The following CCDC91 variants were observed in gnomAD, a reference collection of about 807,000 sequenced individuals.
The protein encoded by CCDC91 is coiled-coil domain containing 91.
A neutral mutation model predicts 63.2 loss-of-function variants in CCDC91; 48 were observed. That is an observed-to-expected ratio of 0.76 (90% CI 0.60 to 0.97). The LOEUF (loss-of-function observed/expected upper bound fraction) is 0.97. Ranked by LOEUF, CCDC91 falls within the 50% of genes least tolerant of loss-of-function variation. CCDC91 has a pLI of 0.00. For synonymous variants in CCDC91, 167 were observed against 165.8 expected, an observed-to-expected ratio of 1.01 and a Z score of -0.06; for missense variants, 500 against 494.6, an observed-to-expected ratio of 1.01 and a Z score of -0.10.
chr12:28,474,392 TTC>T (rs1950974148), intron 11 of CCDC91, among the ~76,000 whole-genome samples: 1 of 152,130 alleles, frequency 6.6e-6, no homozygotes, highest in Non-Finnish European at 1.5e-5. Context: ...TCATAAAATA[TTC>T]TCTTTTTTTC....
intron 7 of CCDC91, among the ~76,000 whole-genome samples, chr12:28,390,645 G>A (rs1945874533): frequency 6.6e-6 from 1 of 152,088 alleles, no homozygotes; most frequent in Admixed American, 6.6e-5. Flanking sequence ...AGCATTTACA[G>A]TATCCAATTA....
At chr12:28,361,208 T>G (rs1565855733) in intron 6 of CCDC91, among the ~76,000 whole-genome samples, 1 of 151,830 alleles carries the variant, frequency 6.6e-6, no homozygotes, top group Non-Finnish European at 1.5e-5. Context: ...TACTTTAAGT[T>G]TTAGGGTACA....
chr12:28,384,338 T>G (rs1945472732), intron 7 of CCDC91, among the ~76,000 whole-genome samples: 1 of 152,120 alleles, frequency 6.6e-6, no homozygotes, highest in Non-Finnish European at 1.5e-5. Context: ...GTAGTTCTTA[T>G]TAGGATTAAC....
intron 3 of CCDC91, among the ~76,000 whole-genome samples, chr12:28,273,204 G>A (rs1422830403): frequency 1.3e-5 from 2 of 152,056 alleles, no homozygotes; most frequent in African/African-American, 4.8e-5. Context: ...ATTCCATGGT[G>A]TATATGTGCC....
At chr12:28,445,926 G>C (rs771797354) in intron 8 of CCDC91, among the ~76,000 whole-genome samples, 1 of 152,120 alleles carries the variant, frequency 6.6e-6, no homozygotes, top group Non-Finnish European at 1.5e-5. Context: ...ATAAATTTGT[G>C]GGGGAGGGAG....
chr12:28,420,779 G>T (rs1947958107), intron 8 of CCDC91, among the ~76,000 whole-genome samples: 1 of 148,386 alleles, frequency 6.7e-6, no homozygotes. Context: ...TCAGTAGCTT[G>T]AAAACTCACT....
intron 7 of CCDC91, among the ~76,000 whole-genome samples, chr12:28,364,533 T>A (rs1565862570): frequency 6.6e-6 from 1 of 152,256 alleles, no homozygotes; most frequent in Non-Finnish European, 1.5e-5. Flanking sequence ...ATTATAGTAT[T>A]GATTTTGTCA....
chr12:28,303,209 A>AGATT (rs1427294722), intron 3 of CCDC91, among the ~76,000 whole-genome samples: 2 of 152,102 alleles, frequency 1.3e-5, no homozygotes, highest in Non-Finnish European at 2.9e-5. Context: ...GGAGTTATGA[A>AGATT]GATTGGGTCG....
chr12:28,294,098 A>G (rs983733192), intron 3 of CCDC91, among the ~76,000 whole-genome samples: 1 of 152,114 alleles, frequency 6.6e-6, no homozygotes, highest in African/African-American at 2.4e-5. Context: ...TGTACTTTAT[A>G]ATTAAACTCA....
intron 3 of CCDC91, among the ~76,000 whole-genome samples, chr12:28,303,400 C>T (rs1006071733): frequency 1.4e-4 from 21 of 151,978 alleles, no homozygotes; most frequent in African/African-American, 5.1e-4. Context: ...CTTACTCGCT[C>T]CCACTCTTCC....
intron 1 of CCDC91, among the ~76,000 whole-genome samples, chr12:28,225,558 C>T (rs1944216114): frequency 6.6e-6 from 1 of 152,072 alleles, no homozygotes; most frequent in Non-Finnish European, 1.5e-5. Flanking sequence ...TCAAGTGATT[C>T]TCCAGCCTCA....
chr12:28,358,164 C>CA (rs1943641096), intron 6 of CCDC91, among the ~76,000 whole-genome samples: 1 of 152,106 alleles, frequency 6.6e-6, no homozygotes, highest in Admixed American at 6.5e-5. Flanking sequence ...CCTCATTTAA[C>CA]AGATAGAGAA....
At chr12:28,295,598 C>T (rs1949518429) in intron 3 of CCDC91, among the ~76,000 whole-genome samples, 1 of 151,998 alleles carries the variant, frequency 6.6e-6, no homozygotes, top group African/African-American at 2.4e-5. Flanking sequence ...AAGGATTGCT[C>T]TGTATCTTAC....
intron 6 of CCDC91, among the ~76,000 whole-genome samples, chr12:28,341,393 C>T (rs1052978195): frequency 3.3e-5 from 5 of 152,172 alleles, no homozygotes; most frequent in African/African-American, 1.2e-4. Context: ...TCCGGCCCCC[C>T]TCCCATATCA....
At chr12:28,275,786 C>T (rs1318056470) in intron 3 of CCDC91, among the ~76,000 whole-genome samples, 4 of 152,132 alleles carry the variant, frequency 2.6e-5, no homozygotes, top group Non-Finnish European at 4.4e-5. Context: ...ATCAAGTGGG[C>T]TTCATCCCTG....
In CCDC91 at chr12:28,391,387, G is replaced by C. The variant is rs572972016; in HGVS notation, c.738G>C (p.Lys246Asn). The C allele has an allele frequency of 1.2e-6, 2 of 1,609,558 alleles. No homozygotes were observed. Among genetic ancestry groups the C allele is most frequent in the South Asian group, 1.1e-5 (1 of 90,966 alleles). ...YISAIEKQAH[K>N]CEELLNAQHQ... ...CTGCAATTGAGAAACAGGCACACAA[G>C]TGTGAGGAGTTGCTAAATGCTCAGG... Residue 246 changes from lysine (K) to asparagine (N), a missense_variant, in exon 8 of 13, where the codon AAG (lysine) becomes AAC (asparagine). By Grantham distance (94) the Lys-to-Asn change is moderately conservative (BLOSUM62 0). Coordinates refer to ENST00000536442, the MANE Select transcript of CCDC91 (RefSeq NM_018318.5).
At chr12:28,236,994 C>G (rs997466466) in intron 1 of CCDC91, among the ~76,000 whole-genome samples, 1 of 151,792 alleles carries the variant, frequency 6.6e-6, no homozygotes, top group African/African-American at 2.4e-5. Context: ...AGTAGGGACT[C>G]TTTTTAGAGA....
chr12:28,417,880 T>A (rs1947776553), intron 8 of CCDC91, among the ~76,000 whole-genome samples: 1 of 152,092 alleles, frequency 6.6e-6, no homozygotes, highest in South Asian at 2.1e-4. Context: ...TGCACCTATG[T>A]TGTATATTTA....
intron 12 of CCDC91, among the ~76,000 whole-genome samples, chr12:28,503,632 A>C (rs1938278979): frequency 1.3e-5 from 2 of 152,178 alleles, no homozygotes; most frequent in African/African-American, 4.8e-5. Flanking sequence ...AGACACATGC[A>C]CACGTATGTT....
Sources: allele counts gnomAD v4.1 joint callset (sites outside exome capture counted in the v4.1 genomes callset), GRCh38; gene constraint gnomAD v4.1.1; transcripts MANE v1.5; gene names NCBI Gene and HGNC (gene_info 2026-07-23, HGNC 2026-07-21).